The following PTPN23 variants were observed in gnomAD, a reference collection of about 807,000 sequenced individuals.
The protein encoded by PTPN23 is protein tyrosine phosphatase non-receptor type 23, also known as tyrosine-protein phosphatase non-receptor type 23.
PTPN23 carries 72 observed loss-of-function variants against 156.3 expected under a neutral mutation model. The ratio of observed to expected loss-of-function variants is 0.46; its 90% CI spans 0.38 to 0.56. PTPN23 has a LOEUF of 0.56. Among genes scored for constraint, PTPN23 ranks in the 20% least tolerant of loss-of-function variants. The probability of loss-of-function intolerance (pLI) is 0.00; values close to 1 mark genes in which losing one functional copy is unlikely to be tolerated. For missense variants in PTPN23, 1,974 were observed against 2,171.5 expected, an observed-to-expected ratio of 0.91 and a Z score of 1.81; for synonymous variants, 957 against 899.6, an observed-to-expected ratio of 1.06 and a Z score of -1.14.
At position 47,411,850 on chromosome 3, in the gene PTPN23, C is replaced by T. The variant is rs150134286; in HGVS notation, c.3956C>T (p.Ala1319Val). 1.8e-3 allele frequency: 2,972 copies of T among 1,613,254 alleles called. 61 individuals carry two copies. In the South Asian group the frequency reaches 0.02, roughly 11 times the overall value. Residue 1319 changes from alanine (A) to valine (V), a missense_variant, in exon 21 of 25, where the codon GCA becomes GTA. Ala to Val is a moderately conservative substitution (Grantham distance 64). Transcript: ENST00000265562. The surrounding 1 kb of genome is among the most constrained non-coding windows in gnomAD (Gnocchi z 6.3). ...ATGGTGCACGGTGCCCTGAGCCTGG[C>T]ATTGAGCAGCGTCCGCAGCACCGAA... ...QPMVHGALSL[A>V]LSSVRSTETH...
At position 47,406,525 on chromosome 3, in the gene PTPN23, C is replaced by G. The variant is rs375545134; in HGVS notation, c.672C>G (p.Pro224=). 23 of 1,613,960 alleles carry G rather than the reference C, an allele frequency of 1.4e-5. No individual in the cohort carries two copies. The highest frequency in any genetic ancestry group is 1.9e-5 in the Non-Finnish European group (23 of 1,179,986). ...YKEACRALEN[P]DTASLLGRIQ... ...AGGCATGCCGGGCCTTGGAGAACCC[C>G]GACACTGCCTCACTGCTGGGCCGGA... is the stretch of plus-strand genomic sequence containing the variant. The change falls in exon 8 of 25, where the codon CCC becomes CCG. Residue 224 remains proline (P), a synonymous_variant. Coordinates refer to ENST00000265562, the MANE Select transcript of PTPN23 (RefSeq NM_015466.4). The surrounding 1 kb of genome is among the most constrained non-coding windows in gnomAD (Gnocchi z 5.8).
chr3:47,392,467 A>C (rs907808850), intron 1 of PTPN23, among the ~76,000 whole-genome samples: 1 of 152,172 alleles, frequency 6.6e-6, no homozygotes, highest in Non-Finnish European at 1.5e-5. Context: ...GATTATAGTC[A>C]TGAGCCATCA....
intron 2 of PTPN23, among the ~76,000 whole-genome samples, chr3:47,404,096 TAAGTA>T (rs1044435352): frequency 6.6e-6 from 1 of 152,178 alleles, no homozygotes; most frequent in African/African-American, 2.4e-5. Flanking sequence ...GGCCAAAAGT[TAAGTA>T]GAGTAAAAAA....
chr3:47,397,319 T>C (rs1704899651), intron 2 of PTPN23, among the ~76,000 whole-genome samples: 1 of 152,224 alleles, frequency 6.6e-6, no homozygotes, highest in Non-Finnish European at 1.5e-5. Flanking sequence ...GCCTGTGTGA[T>C]GCAGAATTGT....
At chr3:47,408,514 G>A in intron 15 of PTPN23, 24 bp downstream of exon 15, 1 of 1,596,876 alleles carries the variant, frequency 6.3e-7, no homozygotes, top group South Asian at 1.1e-5. Context: ...AGAGCAAGCA[G>A]GTGGAAGGGA....
chr3:47,405,028 C>A lies in PTPN23; in HGVS notation c.311C>A (p.Ser104Tyr). The A allele has an allele frequency of 6.2e-7, 1 of 1,614,216 alleles. No individual in the cohort carries two copies. Among genetic ancestry groups the A allele is most frequent in the Non-Finnish European group, 8.5e-7 (1 of 1,180,038 alleles). Residue 104 changes from serine (S) to tyrosine (Y), a missense_variant, in exon 4 of 25, where the codon TCT (serine) becomes TAT (tyrosine). Ser to Tyr is a moderately radical substitution (Grantham distance 144). Coordinates refer to ENST00000265562, the MANE Select transcript of PTPN23 (RefSeq NM_015466.4). The surrounding 1 kb of genome is among the most constrained non-coding windows in gnomAD (Gnocchi z 4.7). Reference sequence around the variant, plus strand: ...AGGACAGAGATCTTCTCAGGCAAGTCTGTGGCCCATGAGGACATCAAGTAC... The same window carrying A: ...AGGACAGAGATCTTCTCAGGCAAGTATGTGGCCCATGAGGACATCAAGTAC... ...VTWTEIFSGKSVAHEDIKYEQ... is the reference protein window; with the variant it reads ...VTWTEIFSGKYVAHEDIKYEQ...
Position 47,408,998 on chromosome 3 carries a change from C to T in PTPN23, c.1553C>T (p.Ala518Val). ...ASFTNSELHR[A>V]MNLHVGNLRL... ...TTCACCAACAGTGAGCTGCACCGTG[C>T]CATGAACCTGCACGTCGGCAACCTG... Residue 518 changes from alanine to valine, a missense_variant, in exon 16 of 25, where the codon GCC (alanine) becomes GTC (valine). Physicochemically the swap from Ala to Val is moderately conservative, Grantham distance 64. This residue lies in a region of PTPN23 where 726 missense variants were observed against 929.5 expected (regional missense o/e 0.78). Coordinates refer to ENST00000265562, the MANE Select transcript of PTPN23 (RefSeq NM_015466.4). The T allele has an allele frequency of 6.2e-7, 1 of 1,614,138 alleles. No individual in the cohort carries two copies. The highest frequency in any genetic ancestry group is 8.5e-7 in the Non-Finnish European group (1 of 1,180,022).
chr3:47,399,032 C>T (rs1489557835), intron 2 of PTPN23, among the ~76,000 whole-genome samples: 1 of 152,200 alleles, frequency 6.6e-6, no homozygotes, highest in African/African-American at 2.4e-5. Flanking sequence ...GAAAAGATGC[C>T]AGGCCTTTAG....
intron 1 of PTPN23, among the ~76,000 whole-genome samples, chr3:47,392,005 C>T (rs549052874): frequency 2.3e-4 from 35 of 152,324 alleles, no homozygotes; most frequent in Middle Eastern, 3.4e-3. Context: ...CTCACCTCAA[C>T]CTCCCAACTG....
At position 47,412,766 on chromosome 3, in the gene PTPN23, A is replaced by G; in HGVS notation, c.4492A>G (p.Ile1498Val). 1.2e-6 allele frequency: 2 copies of G among 1,612,364 alleles called. No homozygotes were observed. Among genetic ancestry groups the G allele is most frequent in the Non-Finnish European group, 1.7e-6 (2 of 1,179,284 alleles). The change falls in exon 25 of 25, where the codon ATC (isoleucine) becomes GTC (valine). Residue 1498 changes from isoleucine (I) to valine (V), a missense_variant. Transcript: ENST00000265562. Reference sequence around the variant, plus strand: ...CGGTGGGGATGTGCCCATCAGCTCCATCCAGGCCACCATTGCCAAGCTCAG... The same window carrying G: ...CGGTGGGGATGTGCCCATCAGCTCCGTCCAGGCCACCATTGCCAAGCTCAG... Reference protein sequence around the residue: ...VLGGDVPISSIQATIAKLSIR... With the variant: ...VLGGDVPISSVQATIAKLSIR...
chr3:47,408,234 CTCTCT>C, intron 14 of PTPN23, 106 bp from the exon 15 acceptor site: 1 of 1,455,072 alleles, frequency 6.9e-7, no homozygotes, highest in Non-Finnish European at 9.4e-7. Context: ...TCACAATTTG[CTCTCT>C]GCTGAGACCT....
intron 15 of PTPN23, 58 bp downstream of exon 15, chr3:47,408,548 C>G: frequency 6.4e-7 from 1 of 1,564,604 alleles, no homozygotes; most frequent in Non-Finnish European, 8.7e-7. Context: ...CTGCTGTGGC[C>G]TCCTCCGTGT....
At chr3:47,412,053 C>G in intron 21 of PTPN23, 41 bp from the exon 22 acceptor site, 1 of 1,611,054 alleles carries the variant, frequency 6.2e-7, no homozygotes, top group Non-Finnish European at 8.5e-7. Context: ...TCAGGTCAGG[C>G]CTGGCTCATA....
At chr3:47,404,572 C>T in intron 2 of PTPN23, 80 bp from the exon 3 acceptor site, 9 of 1,572,736 alleles carry the variant, frequency 5.7e-6, no homozygotes, top group Non-Finnish European at 7.8e-6. Context: ...ATGCATTTTC[C>T]TGGCATTTGT....
intron 2 of PTPN23, among the ~76,000 whole-genome samples, chr3:47,399,214 G>C (rs536476752): frequency 1.8e-4 from 27 of 152,202 alleles, no homozygotes; most frequent in Non-Finnish European, 3.5e-4. Flanking sequence ...GCTCCCACAA[G>C]CTGCTCCTGG....
chr3:47,410,957 T>G lies in PTPN23; in HGVS notation c.3159T>G (p.Pro1053=). 7 of 1,603,704 alleles carry G rather than the reference T, an allele frequency of 4.4e-6. No individual in the cohort carries two copies. The highest frequency in any genetic ancestry group is 6.0e-6 in the Non-Finnish European group (7 of 1,174,582). ...CCCATCCCCCACTGGCATATGGTCCTGCCCCTTCTACCAGACCCATGGGCC... is the reference window on the plus strand; with the variant it reads ...CCCATCCCCCACTGGCATATGGTCCGGCCCCTTCTACCAGACCCATGGGCC... ...QPPHPPLAYG[P]APSTRPMGPQ... Residue 1053 remains proline (P), a synonymous_variant, in exon 20 of 25, where the codon CCT becomes CCG. Transcript: ENST00000265562.
chr3:47,381,978 C>T (rs191790476), intron 1 of PTPN23, among the ~76,000 whole-genome samples: 3 of 152,024 alleles, frequency 2.0e-5, no homozygotes, highest in African/African-American at 7.2e-5. Flanking sequence ...GCACTGAGGG[C>T]TAGAGCAGAA....
intron 1 of PTPN23, among the ~76,000 whole-genome samples, chr3:47,384,487 T>G (rs1031729941): frequency 1.8e-4 from 27 of 147,324 alleles, no homozygotes; most frequent in Admixed American, 1.1e-3. Context: ...AGTAGAAGTA[T>G]TTGCAGTGTA....
chr3:47,394,746 A>G (rs1704844785), intron 1 of PTPN23, among the ~76,000 whole-genome samples: 1 of 152,158 alleles, frequency 6.6e-6, no homozygotes, highest in East Asian at 1.9e-4. Flanking sequence ...ATCATTTCCT[A>G]TCATCTCACT....
Sources: gnomAD v4.1 joint callset for allele counts (sites outside exome capture counted in the v4.1 genomes callset) on GRCh38, gnomAD v4.1.1 for gene constraint, gnomAD v4.1.1 regional missense constraint, Gnocchi (gnomAD v3.1) non-coding constraint, MANE v1.5 for transcripts, NCBI Gene and HGNC (gene_info 2026-07-23, HGNC 2026-07-21) for gene names.